The following MPPED2 variants were observed in gnomAD, a reference collection of about 807,000 sequenced individuals.
The protein encoded by MPPED2 is metallophosphoesterase MPPED2.
MPPED2 carries 5 observed loss-of-function variants against 33.0 expected under a neutral mutation model. That is an observed-to-expected ratio of 0.15 (90% CI 0.08 to 0.32). MPPED2 has a LOEUF of 0.32. Ranked by LOEUF, MPPED2 falls within the 10% of genes least tolerant of loss-of-function variation. The probability of loss-of-function intolerance (pLI) is 1.00; values close to 1 mark genes in which losing one functional copy is unlikely to be tolerated. For missense variants in MPPED2, 275 were observed against 372.1 expected (o/e 0.74, Z 2.15); for synonymous variants, 136 against 141.9 (o/e 0.96, Z 0.29).
intron 4 of MPPED2, among the ~76,000 whole-genome samples, chr11:30,480,126 C>T (rs758371516): frequency 3.3e-5 from 5 of 152,096 alleles, no homozygotes; most frequent in Non-Finnish European, 5.9e-5. Context: ...TGAAGCTTCT[C>T]GTGTTTGGGG....
chr11:30,436,329 T>A (rs1949323815), intron 4 of MPPED2, among the ~76,000 whole-genome samples: 1 of 150,726 alleles, frequency 6.6e-6, no homozygotes, highest in Non-Finnish European at 1.5e-5. Context: ...TAGACATCAG[T>A]CACTTGAAGC....
At chr11:30,434,313 G>A (rs980250786) in intron 4 of MPPED2, among the ~76,000 whole-genome samples, 6 of 152,114 alleles carry the variant, frequency 3.9e-5, no homozygotes, top group African/African-American at 1.4e-4. Flanking sequence ...GGGGAAGGGG[G>A]AAGAGACAAG....
chr11:30,499,467 T>C (rs1952454359), intron 3 of MPPED2, among the ~76,000 whole-genome samples: 1 of 152,230 alleles, frequency 6.6e-6, no homozygotes, highest in Admixed American at 6.5e-5. Context: ...CTTTGGATTT[T>C]GGATTCTCAT....
chr11:30,405,476 C>G (rs1407147604), downstream of MPPED2, among the ~76,000 whole-genome samples: 24 of 152,152 alleles, frequency 1.6e-4, no homozygotes, highest in Non-Finnish European at 7.3e-5. Context: ...ATGCATTTCT[C>G]TCTCTCACCA....
intron 4 of MPPED2, among the ~76,000 whole-genome samples, chr11:30,432,168 CAAA>C (rs34934978): frequency 1.5e-4 from 22 of 142,086 alleles, no homozygotes; most frequent in Middle Eastern, 3.7e-3. Context: ...GATTCTGTCT[CAAA>C]AAAAAAAAAA....
At position 30,450,446 on chromosome 11, in the gene MPPED2, A is replaced by G. The variant is rs535216537; in HGVS notation, c.537-32813T>C. 9.2e-5 allele frequency among the ~76,000 whole-genome samples: 14 copies of G among 152,346 alleles called. No homozygotes were observed. In the South Asian group the frequency reaches 2.1e-3, roughly 23 times the overall value. ...TCTCATTGATTCTCACAACTCTCCT[A>G]TAAATTAGATGCAGTTATTGGTCTC... On this transcript the variant is annotated intron_variant, in intron 4 of 6. Coordinates refer to ENST00000358117, the MANE Select transcript of MPPED2 (RefSeq NM_001584.3).
At chr11:30,526,526 A>G (rs1473273715) in intron 3 of MPPED2, among the ~76,000 whole-genome samples, 1 of 152,170 alleles carries the variant, frequency 6.6e-6, no homozygotes, top group Non-Finnish European at 1.5e-5. Context: ...TTAAACTCTC[A>G]ACAGTAAGAA....
chr11:30,568,648 T>TAA (rs1956555948), intron 2 of MPPED2, among the ~76,000 whole-genome samples: 1 of 152,114 alleles, frequency 6.6e-6, no homozygotes, highest in Non-Finnish European at 1.5e-5. Context: ...TAATAATCTT[T>TAA]AAAAAGTGGC....
intron 4 of MPPED2, among the ~76,000 whole-genome samples, chr11:30,425,328 G>A (rs1288609904): frequency 2.0e-5 from 3 of 152,190 alleles, no homozygotes; most frequent in Non-Finnish European, 4.4e-5. Context: ...TGCTGGAAAG[G>A]AGGTGGTGTA....
intron 4 of MPPED2, among the ~76,000 whole-genome samples, chr11:30,465,250 A>T (rs1408656280): frequency 6.6e-6 from 1 of 152,206 alleles, no homozygotes; most frequent in Admixed American, 6.5e-5. Context: ...TGGACAGTAA[A>T]TGTTCCACAA....
intron 4 of MPPED2, among the ~76,000 whole-genome samples, chr11:30,485,201 C>T (rs1418172951): frequency 6.6e-6 from 1 of 152,118 alleles, no homozygotes. Context: ...AATAAGTGTC[C>T]TTGAGTGAAT....
At chr11:30,575,788 C>T (rs1408952434) in intron 2 of MPPED2, among the ~76,000 whole-genome samples, 1 of 152,182 alleles carries the variant, frequency 6.6e-6, no homozygotes, top group East Asian at 1.9e-4. Flanking sequence ...GGGACTGCCA[C>T]TCCCGTGGAG....
intron 2 of MPPED2, among the ~76,000 whole-genome samples, chr11:30,552,457 C>A (rs757247237): frequency 2.0e-5 from 3 of 152,176 alleles, no homozygotes; most frequent in Non-Finnish European, 4.4e-5. Context: ...ATAATTCTGC[C>A]TCCCAGAGAT....
chr11:30,435,096 C>T (rs1476562286), intron 4 of MPPED2, among the ~76,000 whole-genome samples: 1 of 152,160 alleles, frequency 6.6e-6, no homozygotes, highest in Non-Finnish European at 1.5e-5. Context: ...GAGTGCATTC[C>T]TAACAGGCCC....
At chr11:30,550,816 G>A (rs578162831) in intron 2 of MPPED2, among the ~76,000 whole-genome samples, 8 of 152,116 alleles carry the variant, frequency 5.3e-5, no homozygotes, top group Admixed American at 3.9e-4. Context: ...GTAATGCTGG[G>A]TTTCTGAGTT....
chr11:30,427,497 A>G (rs368858749), intron 4 of MPPED2, among the ~76,000 whole-genome samples: 18 of 152,236 alleles, frequency 1.2e-4, no homozygotes, highest in African/African-American at 4.3e-4. Flanking sequence ...ACAATAAAAT[A>G]CCATACAGCC....
At chr11:30,435,766 C>T (rs1030527871) in intron 4 of MPPED2, among the ~76,000 whole-genome samples, 10 of 152,186 alleles carry the variant, frequency 6.6e-5, no homozygotes, top group African/African-American at 9.6e-5. Flanking sequence ...ACTCTGCCCC[C>T]AAACCCCAAC....
At chr11:30,525,759 T>C in intron 3 of MPPED2, among the ~76,000 whole-genome samples, 1 of 152,162 alleles carries the variant, frequency 6.6e-6, no homozygotes. Context: ...AATATAAGCA[T>C]TAATGATCTA....
At chr11:30,465,300 T>C (rs994251822) in intron 4 of MPPED2, among the ~76,000 whole-genome samples, 1 of 152,194 alleles carries the variant, frequency 6.6e-6, no homozygotes, top group Admixed American at 6.5e-5. Flanking sequence ...GTGTTTTTTT[T>C]CTTTGGAGAT....
Sources: allele counts gnomAD v4.1 joint callset (sites outside exome capture counted in the v4.1 genomes callset), GRCh38; gene constraint gnomAD v4.1.1; transcripts MANE v1.5; gene names NCBI Gene and HGNC (gene_info 2026-07-23, HGNC 2026-07-21).